UNC13A: variants seen among roughly 807,000 people sequenced by gnomAD.
UNC13A encodes the protein protein unc-13 homolog A.
Under a neutral mutation model 219.7 loss-of-function variants are expected in UNC13A, and 61 were observed. That is an observed-to-expected ratio of 0.28 (90% CI 0.23 to 0.34). The LOEUF (loss-of-function observed/expected upper bound fraction) is 0.34, where lower values mean the gene tolerates loss of function less well. Ranked by LOEUF, UNC13A falls within the 10% of genes least tolerant of loss-of-function variation. The probability of loss-of-function intolerance (pLI) is 1.00; values close to 1 mark genes in which losing one functional copy is unlikely to be tolerated. For synonymous variants in UNC13A, 920 were observed against 884.6 expected (o/e 1.04, Z -0.71); for missense variants, 1,476 against 2,270.3 (o/e 0.65, Z 7.11).
chr19:17,642,626 G>A (rs2076982802), intron 20 of UNC13A, among the ~76,000 whole-genome samples: 1 of 152,176 alleles, frequency 6.6e-6, no homozygotes, highest in Non-Finnish European at 1.5e-5. Context: ...GATGAGTAGT[G>A]AGAGTCAACC....
chr19:17,667,256 G>GAAAA (rs71336632), intron 6 of UNC13A, among the ~76,000 whole-genome samples: 2 of 142,158 alleles, frequency 1.4e-5, no homozygotes, highest in African/African-American at 2.6e-5. Context: ...TCTCAAAAAA[G>GAAAA]AAAAAAAAAA....
Position 17,661,762 on chromosome 19 carries a change from T to C in UNC13A, c.559+1770A>G, listed in dbSNP as rs555001485. Reference sequence around the variant, plus strand: ...GGATTTCTCTAGAAGAGGCGGGGTATGGGAGAAAGGGAGCAACTCTTTAGG... The same window carrying C: ...GGATTTCTCTAGAAGAGGCGGGGTACGGGAGAAAGGGAGCAACTCTTTAGG... On this transcript the variant is annotated intron_variant, in intron 8 of 43. Transcript: ENST00000519716. 1.7e-3 allele frequency among the ~76,000 whole-genome samples: 266 copies of C among 152,036 alleles called. 1 individual carries two copies. The highest frequency in any genetic ancestry group is 2.5e-3 in the South Asian group (12 of 4,814).
At position 17,603,416 on chromosome 19, in the gene UNC13A, C is replaced by T. The variant is rs2076487456; in HGVS notation, c.*2638G>A. ...GGGTTACAACCCTGAATCATCCATC[C>T]ACCCGACCCCTACCCTCAGCCATGT... On this transcript the variant is annotated 3_prime_UTR_variant, in exon 44 of 44. Coordinates refer to ENST00000519716, the MANE Select transcript of UNC13A (RefSeq NM_001080421.3). 1 of 152,324 alleles carries T rather than the reference C, an allele frequency of 6.6e-6. No individual in the cohort carries two copies. Among genetic ancestry groups the T allele is most frequent in the Non-Finnish European group, 1.5e-5 (1 of 68,084 alleles). The allele number at this position is 152,324 out of a possible 1,614,324, so 9.4% of individuals were successfully genotyped here.
chr19:17,668,873 G>A (rs1054245972), intron 5 of UNC13A, among the ~76,000 whole-genome samples: 4 of 152,128 alleles, frequency 2.6e-5, no homozygotes, highest in Non-Finnish European at 4.4e-5. Context: ...ACAACTCACT[G>A]AAGCCTCAAA....
At chr19:17,614,726 T>C (rs1326098443) in intron 41 of UNC13A, among the ~76,000 whole-genome samples, 5 of 152,048 alleles carry the variant, frequency 3.3e-5, no homozygotes, top group African/African-American at 1.2e-4. Context: ...TACTGGGGTA[T>C]GTGGCCCCGG....
chr19:17,668,066 G>A, intron 6 of UNC13A, 51 bp downstream of exon 6: 1 of 1,570,328 alleles, frequency 6.4e-7, no homozygotes, highest in Non-Finnish European at 8.7e-7. Context: ...ATCATGGGGA[G>A]ACAGAGACAG....
At chr19:17,630,531 A>T in intron 29 of UNC13A, 123 bp downstream of exon 29, 1 of 1,231,944 alleles carries the variant, frequency 8.1e-7, no homozygotes, top group Non-Finnish European at 1.2e-6. Context: ...GATTTTAAAA[A>T]CCATGAGCAA....
At chr19:17,630,554 G>A (rs1338939988) in intron 29 of UNC13A, 100 bp downstream of exon 29, 21 of 1,298,374 alleles carry the variant, frequency 1.6e-5, no homozygotes, top group East Asian at 2.3e-5. Flanking sequence ...CAAAGATGGC[G>A]GACACCTACC....
chr19:17,685,340 G>A (rs775247356), intron 1 of UNC13A, among the ~76,000 whole-genome samples: 4 of 152,068 alleles, frequency 2.6e-5, no homozygotes, highest in Admixed American at 6.6e-5. Context: ...ACAGGTGCGC[G>A]CCACCACACC....
chr19:17,619,540 A>G (rs1397698495), intron 38 of UNC13A, among the ~76,000 whole-genome samples: 2 of 151,300 alleles, frequency 1.3e-5, no homozygotes, highest in African/African-American at 2.4e-5. Flanking sequence ...GGCTCAAGCA[A>G]TCCTCCCGCC....
intron 38 of UNC13A, 197 bp from the exon 39 acceptor site, chr19:17,619,159 G>T (rs1442867924): frequency 1.4e-5 from 8 of 584,154 alleles, no homozygotes; most frequent in Non-Finnish European, 2.1e-5. Flanking sequence ...GTCCTGTGAG[G>T]ATAGTCCCCC....
At chr19:17,617,573 TG>T in intron 41 of UNC13A, 128 bp downstream of exon 41, 1 of 1,357,396 alleles carries the variant, frequency 7.4e-7, no homozygotes, top group Non-Finnish European at 1.0e-6. Flanking sequence ...TCCCTGGACT[TG>T]GTGCAGAGAT....
At chr19:17,659,421 G>T (rs941824620) in intron 8 of UNC13A, among the ~76,000 whole-genome samples, 3 of 151,326 alleles carry the variant, frequency 2.0e-5, no homozygotes, top group Non-Finnish European at 4.4e-5. Flanking sequence ...CCAGGGGCTG[G>T]GTGACACAAG....
chr19:17,641,691 T>A (rs1386104230), intron 20 of UNC13A, 135 bp from the exon 21 acceptor site: 1 of 908,752 alleles, frequency 1.1e-6, no homozygotes, highest in Non-Finnish European at 1.6e-6. Context: ...CTTTTATCCA[T>A]CCACACACCC....
At chr19:17,677,575 C>A (rs2079924233) in intron 1 of UNC13A, among the ~76,000 whole-genome samples, 1 of 152,084 alleles carries the variant, frequency 6.6e-6, no homozygotes, top group Admixed American at 6.6e-5. Context: ...ATATGTCGGC[C>A]AGGCTGGTCT....
intron 43 of UNC13A, among the ~76,000 whole-genome samples, chr19:17,609,047 T>C (rs1555775694): frequency 6.8e-6 from 1 of 147,404 alleles, no homozygotes; most frequent in Non-Finnish European, 1.5e-5. Context: ...ACCCTCCGCC[T>C]CCCGGACTCA....
At position 17,666,709 on chromosome 19, in the gene UNC13A, A is replaced by G; in HGVS notation, c.469-5T>C. ...TTGCTCATCTTGGAACGAATACTGA[A>G]GGGGTGGAGGAAGGAGAAAGGGCTT... On this transcript the variant is annotated splice_region_variant and splice_polypyrimidine_tract_variant and intron_variant, in intron 6 of 43. Transcript: ENST00000519716. 1 of 1,524,196 alleles carries G rather than the reference A, an allele frequency of 6.6e-7. No homozygotes were observed. The highest frequency in any genetic ancestry group is 8.8e-7 in the Non-Finnish European group (1 of 1,133,536). The allele number at this position is 1,524,196 out of a possible 1,614,324, so 94.4% of individuals were successfully genotyped here.
intron 42 of UNC13A, 28 bp downstream of exon 42, chr19:17,611,735 C>G (rs2076605909): frequency 5.6e-6 from 9 of 1,601,010 alleles, no homozygotes; most frequent in Non-Finnish European, 7.7e-6. Flanking sequence ...TAGAACCTAG[C>G]AAGTCCCTCC....
At chr19:17,645,555 A>T in intron 19 of UNC13A, 119 bp downstream of exon 19, 1 of 1,433,800 alleles carries the variant, frequency 7.0e-7, no homozygotes, top group Non-Finnish European at 9.4e-7. Flanking sequence ...CCCCCATCAG[A>T]TTATGCTCCT....
Sources: gnomAD v4.1 joint callset for allele counts (sites outside exome capture counted in the v4.1 genomes callset) on GRCh38, gnomAD v4.1.1 for gene constraint, MANE v1.5 for transcripts, NCBI Gene and HGNC (gene_info 2026-07-23, HGNC 2026-07-21) for gene names.